The following NELL2 variants were observed in gnomAD, a reference collection of about 807,000 sequenced individuals.
NELL2 encodes the protein neural EGFL like 2.
Under a neutral mutation model 109.6 loss-of-function variants are expected in NELL2, and 41 were observed. That is an observed-to-expected ratio of 0.37 (90% CI 0.29 to 0.49). The LOEUF (loss-of-function observed/expected upper bound fraction) is 0.49. NELL2 is among the 20% of genes least tolerant of loss of function. NELL2 has a pLI of 0.98. For missense variants in NELL2, 900 were observed against 1,008.3 expected (o/e 0.89, Z 1.45); for synonymous variants, 355 against 344.7 (o/e 1.03, Z -0.33).
chr12:44,632,958 C>T (rs1421288334), intron 13 of NELL2, among the ~76,000 whole-genome samples: 5 of 151,390 alleles, frequency 3.3e-5, no homozygotes, highest in Non-Finnish European at 2.9e-5. Flanking sequence ...GATAGGACTA[C>T]CACTGAAAAT....
chr12:44,644,730 G>T (rs1244106725), intron 13 of NELL2, among the ~76,000 whole-genome samples: 1 of 148,508 alleles, frequency 6.7e-6, no homozygotes, highest in Non-Finnish European at 1.5e-5. Flanking sequence ...GATGCTCTTG[G>T]TAGCTAATAT....
At chr12:44,658,435 A>C (rs1947592182) in intron 13 of NELL2, among the ~76,000 whole-genome samples, 1 of 152,160 alleles carries the variant, frequency 6.6e-6, no homozygotes, top group Non-Finnish European at 1.5e-5. Context: ...TGCTTAAGGA[A>C]ATAAGAGGAC....
chr12:44,716,633 T>G (rs1016565967), intron 9 of NELL2, among the ~76,000 whole-genome samples: 1 of 152,154 alleles, frequency 6.6e-6, no homozygotes, highest in Non-Finnish European at 1.5e-5. Flanking sequence ...TTAATTATAC[T>G]TAATAAGTAC....
chr12:44,515,767 C>G (rs1941232281), intron 19 of NELL2, among the ~76,000 whole-genome samples: 1 of 151,760 alleles, frequency 6.6e-6, no homozygotes, highest in African/African-American at 2.4e-5. Flanking sequence ...CCTTAAGACC[C>G]TGCTATTTTT....
chr12:44,637,915 C>T (rs1305871050), intron 13 of NELL2, among the ~76,000 whole-genome samples: 1 of 152,010 alleles, frequency 6.6e-6, no homozygotes, highest in African/African-American at 2.4e-5. Flanking sequence ...ATTACTACAA[C>T]AGCAGTTTTC....
At chr12:44,618,306 T>C (rs2136266670) in intron 13 of NELL2, among the ~76,000 whole-genome samples, 1 of 152,324 alleles carries the variant, frequency 6.6e-6, no homozygotes, top group Non-Finnish European at 1.5e-5. Context: ...TTCAGTTTGC[T>C]TGGCAACTAG....
intron 13 of NELL2, among the ~76,000 whole-genome samples, chr12:44,652,813 C>T (rs1947349029): frequency 6.6e-6 from 1 of 152,230 alleles, no homozygotes. Context: ...CTGCGTTTCT[C>T]CCTGGAGGCT....
intron 1 of NELL2, among the ~76,000 whole-genome samples, chr12:44,896,338 T>C (rs563151498): frequency 5.3e-5 from 8 of 152,348 alleles, no homozygotes; most frequent in Admixed American, 2.0e-4. Flanking sequence ...GTAAGGTCTA[T>C]AGGCTTCCTT....
chr12:44,705,977 T>G (rs1043567328), intron 11 of NELL2, among the ~76,000 whole-genome samples: 1 of 152,182 alleles, frequency 6.6e-6, no homozygotes, highest in Non-Finnish European at 1.5e-5. Context: ...ATGCCATATG[T>G]GATATGCCAC....
At chr12:44,901,475 A>G (rs1333086924) in intron 1 of NELL2, among the ~76,000 whole-genome samples, 2 of 152,160 alleles carry the variant, frequency 1.3e-5, no homozygotes, top group African/African-American at 2.4e-5. Context: ...GAGGTACAAA[A>G]AGGAGCTGGT....
intron 15 of NELL2, among the ~76,000 whole-genome samples, chr12:44,548,241 T>C (rs1349157797): frequency 6.6e-6 from 1 of 152,198 alleles, no homozygotes; most frequent in Non-Finnish European, 1.5e-5. Context: ...ATTTAAGCTA[T>C]TGTATTTCTT....
intron 15 of NELL2, among the ~76,000 whole-genome samples, chr12:44,601,075 C>G (rs1425770223): frequency 6.6e-6 from 1 of 152,074 alleles, no homozygotes; most frequent in Non-Finnish European, 1.5e-5. Context: ...AACTGAAGAT[C>G]TTATCCAAAT....
At chr12:44,674,595 G>C (rs1158338607) in intron 12 of NELL2, among the ~76,000 whole-genome samples, 2 of 152,164 alleles carry the variant, frequency 1.3e-5, no homozygotes, top group Non-Finnish European at 2.9e-5. Flanking sequence ...GACATAATGT[G>C]AATGTATTTA....
chr12:44,508,898 T>C lies in NELL2; in HGVS notation c.*36A>G. 1 of 1,577,144 alleles carries C rather than the reference T, an allele frequency of 6.3e-7. No individual in the cohort carries two copies. Among genetic ancestry groups the C allele is most frequent in the Non-Finnish European group, 8.7e-7 (1 of 1,155,648 alleles). On this transcript the variant is annotated 3_prime_UTR_variant, in exon 20 of 20. Transcript: ENST00000429094. ...TTTTTGGTCTTTTAATGAAAGAACA[T>C]TCTTTTAACAGAAATCTCCCATGAG... is the stretch of plus-strand genomic sequence containing the variant.
chr12:44,658,513 G>T (rs1286574356), intron 13 of NELL2, among the ~76,000 whole-genome samples: 2 of 152,166 alleles, frequency 1.3e-5, no homozygotes, highest in East Asian at 3.9e-4. Flanking sequence ...TGGCCATACT[G>T]CCCAAAGTAA....
rs607763 is a variant in NELL2 at position 44,690,700 on chromosome 12, C to T, written c.1318+13026G>A. On this transcript the variant is annotated intron_variant, in intron 12 of 19. Coordinates refer to ENST00000429094, the MANE Select transcript of NELL2 (RefSeq NM_001145108.2). ...TAGTAAGTCAACTCCATGAAGGCAG[C>T]GGTTTAGTAGGAGGGTTTTGCTCAT... 5.7e-3 allele frequency among the ~76,000 whole-genome samples: 862 copies of T among 152,248 alleles called. 6 individuals are homozygous for T. The highest frequency in any genetic ancestry group is 0.02 in the African/African-American group (829 of 41,536).
chr12:44,767,568 C>T (rs532088519), intron 9 of NELL2, among the ~76,000 whole-genome samples: 3 of 152,286 alleles, frequency 2.0e-5, no homozygotes, highest in Non-Finnish European at 2.9e-5. Context: ...CAAGATTATG[C>T]ATTAATGGCT....
At chr12:44,813,361 A>T (rs1302920452) in intron 3 of NELL2, among the ~76,000 whole-genome samples, 1 of 152,216 alleles carries the variant, frequency 6.6e-6, no homozygotes, top group Non-Finnish European at 1.5e-5. Context: ...CTATATCTCA[A>T]ATATGATATT....
chr12:44,640,070 AG>A (rs978839263), intron 13 of NELL2, among the ~76,000 whole-genome samples: 2 of 152,216 alleles, frequency 1.3e-5, no homozygotes, highest in African/African-American at 4.8e-5. Flanking sequence ...AAATTCTTCA[AG>A]GACAAGGACT....
Sources: allele counts gnomAD v4.1 joint callset (sites outside exome capture counted in the v4.1 genomes callset), GRCh38; gene constraint gnomAD v4.1.1; transcripts MANE v1.5; gene names NCBI Gene and HGNC (gene_info 2026-07-23, HGNC 2026-07-21).